The following TMEM135 variants were observed in gnomAD, a reference collection of about 807,000 sequenced individuals.
The protein encoded by TMEM135 is peroxisomal membrane protein 52.
Under a neutral mutation model 60.3 loss-of-function variants are expected in TMEM135, and 30 were observed. The observed-to-expected ratio is 0.50, with a 90% CI of 0.37 to 0.68. The LOEUF is 0.68. TMEM135 is among the 30% of genes least tolerant of loss of function. The pLI is 0.00. For missense variants in TMEM135, 468 were observed against 548.8 expected, an observed-to-expected ratio of 0.85 and a Z score of 1.47; for synonymous variants, 190 against 186.7, an observed-to-expected ratio of 1.02 and a Z score of -0.14.
At chr11:87,043,519 A>G (rs930372462) in intron 1 of TMEM135, among the ~76,000 whole-genome samples, 1 of 151,750 alleles carries the variant, frequency 6.6e-6, no homozygotes, top group African/African-American at 2.4e-5. Flanking sequence ...AGGTCAGGAA[A>G]TGGAGACCAT....
chr11:87,138,085 T>TGTC (rs1475117506), intron 4 of TMEM135, among the ~76,000 whole-genome samples: 8 of 113,676 alleles, frequency 7.0e-5, no homozygotes, highest in African/African-American at 2.5e-4. Flanking sequence ...ACCAAGTTGA[T>TGTC]TTCTTTTTTT....
rs988016640 is a variant in TMEM135 at position 87,322,023 on chromosome 11, T to C, written c.*690T>C. On this transcript the variant is annotated 3_prime_UTR_variant, in exon 15 of 15. Transcript: ENST00000305494. Reference sequence around the variant, plus strand: ...TATTTGGCAGCCCAGTGAACCTATGTACTAATGGCAAGTTAGGGGCAAATG... The same window carrying C: ...TATTTGGCAGCCCAGTGAACCTATGCACTAATGGCAAGTTAGGGGCAAATG... The C allele has an allele frequency of 6.6e-6, 3 of 454,356 alleles. No homozygotes were observed. Among genetic ancestry groups the C allele is most frequent in the African/African-American group, 4.0e-5 (2 of 49,996 alleles). The allele number at this position is 454,356 out of a possible 1,614,324, so 28.1% of individuals were successfully genotyped here.
At position 87,146,187 on chromosome 11, in the gene TMEM135, C is replaced by T. The variant is rs962165858; in HGVS notation, c.397-11154C>T. Among the ~76,000 whole-genome samples the T allele has an allele frequency of 1.1e-4, 16 of 152,280 alleles. No homozygotes were observed. The South Asian group carries it at 1.9e-3, about 18-fold the overall frequency. On this transcript the variant is annotated intron_variant, in intron 4 of 14. Transcript: ENST00000305494. ...CAGCACTATTTATTGAAGACACTGTCCTTTTCCCATTGTGTATTTGTGGTA... is the reference window on the plus strand; with the variant it reads ...CAGCACTATTTATTGAAGACACTGTTCTTTTCCCATTGTGTATTTGTGGTA...
intron 4 of TMEM135, among the ~76,000 whole-genome samples, chr11:87,132,815 T>A (rs1338212807): frequency 8.6e-6 from 1 of 116,364 alleles, no homozygotes; most frequent in African/African-American, 3.0e-5. Context: ...CATACATACC[T>A]ATGGTATGTT....
intron 1 of TMEM135, among the ~76,000 whole-genome samples, chr11:87,041,189 T>A (rs547000730): frequency 1.1e-4 from 17 of 152,228 alleles, no homozygotes; most frequent in African/African-American, 3.6e-4. Flanking sequence ...CAGCTTATTA[T>A]CCCCATTTTA....
At chr11:87,129,164 G>A (rs1937826631) in intron 4 of TMEM135, among the ~76,000 whole-genome samples, 1 of 148,388 alleles carries the variant, frequency 6.7e-6, no homozygotes, top group African/African-American at 2.5e-5. Flanking sequence ...AGCAAGGTTG[G>A]TATTATTAGC....
Position 87,324,766 on chromosome 11 carries a change from A to G in TMEM135, c.*3433A>G, listed in dbSNP as rs1313335468. 2.2e-6 allele frequency: 1 copy of G among 453,930 alleles called. No homozygotes were observed. Among genetic ancestry groups the G allele is most frequent in the Admixed American group, 2.4e-5 (1 of 42,552 alleles). 28.1% of individuals were successfully genotyped at this position (453,930 alleles called of 1,614,324 possible). A position where few individuals can be genotyped will look rare whatever the true frequency, so the allele number is the denominator to read the frequency against. On this transcript the variant is annotated 3_prime_UTR_variant, in exon 15 of 15. Transcript: ENST00000305494. ...TTGTATGAGTATTAAGTAGTTTGAC[A>G]CAGCAACAAAGTTGTCCTTTGTTTC... is the stretch of plus-strand genomic sequence containing the variant.
intron 12 of TMEM135, 151 bp from the exon 13 acceptor site, chr11:87,317,986 C>T: frequency 1.5e-6 from 1 of 665,456 alleles, no homozygotes; most frequent in Non-Finnish European, 2.7e-6. Flanking sequence ...AGGGCTGACC[C>T]TTAACATCAT....
chr11:87,113,603 G>A, intron 4 of TMEM135, among the ~76,000 whole-genome samples: 1 of 152,086 alleles, frequency 6.6e-6, no homozygotes, highest in East Asian at 1.9e-4. Context: ...AAGCATGGAA[G>A]AGTGGAAAGA....
At chr11:87,057,561 TCTTGC>T in intron 1 of TMEM135, among the ~76,000 whole-genome samples, 2 of 152,318 alleles carry the variant, frequency 1.3e-5, no homozygotes, top group South Asian at 4.1e-4. Context: ...TAGAAGAGAA[TCTTGC>T]CTTAACTTCG....
At chr11:87,244,818 T>C (rs1353516829) in intron 6 of TMEM135, among the ~76,000 whole-genome samples, 1 of 19,024 alleles carries the variant, frequency 5.3e-5, no homozygotes, top group Non-Finnish European at 1.7e-4. Context: ...GATTCATTAA[T>C]TTTTTGAAGG....
At chr11:87,108,671 G>A (rs2445551) in intron 4 of TMEM135, among the ~76,000 whole-genome samples, 61,837 of 151,792 alleles carry the variant, frequency 0.41, 13,743 homozygotes, top group East Asian at 0.65. Flanking sequence ...TGACCTAGGC[G>A]TTTAGTGCTA....
chr11:87,217,799 A>G (rs1940534977), intron 5 of TMEM135, among the ~76,000 whole-genome samples: 1 of 151,490 alleles, frequency 6.6e-6, no homozygotes, highest in African/African-American at 2.4e-5. Flanking sequence ...AAAAAAAAAG[A>G]AGGTTGGGGT....
At chr11:87,202,804 G>T (rs1223517657) in intron 5 of TMEM135, among the ~76,000 whole-genome samples, 1 of 150,472 alleles carries the variant, frequency 6.6e-6, no homozygotes, top group African/African-American at 2.4e-5. Flanking sequence ...AGGCCGAGGC[G>T]GGCGGATCAT....
chr11:87,268,159 C>T (rs371084631), intron 6 of TMEM135, among the ~76,000 whole-genome samples: 2 of 76,756 alleles, frequency 2.6e-5, no homozygotes, highest in African/African-American at 4.0e-5. Context: ...CCTTTATTTC[C>T]TTTCCTTTCC....
At chr11:87,071,157 G>A (rs1452638593) in intron 2 of TMEM135, among the ~76,000 whole-genome samples, 2 of 152,200 alleles carry the variant, frequency 1.3e-5, no homozygotes, top group East Asian at 3.8e-4. Context: ...CTTAATGAGA[G>A]TTAGTGAGAG....
chr11:87,167,550 C>A (rs933632923), intron 5 of TMEM135, among the ~76,000 whole-genome samples: 18 of 152,158 alleles, frequency 1.2e-4, no homozygotes, highest in Non-Finnish European at 1.2e-4. Flanking sequence ...GCCTTTTCTG[C>A]ATCTATTGGG....
chr11:87,085,251 T>A (rs1214760592), intron 3 of TMEM135, among the ~76,000 whole-genome samples: 2 of 152,092 alleles, frequency 1.3e-5, no homozygotes, highest in Non-Finnish European at 2.9e-5. Context: ...GAGATAATAT[T>A]CTCTCCGGGT....
intron 5 of TMEM135, among the ~76,000 whole-genome samples, chr11:87,187,259 C>T (rs567752529): frequency 6.6e-6 from 1 of 152,238 alleles, no homozygotes; most frequent in South Asian, 2.1e-4. Context: ...CACAGAAAGT[C>T]TCCAAGGTAA....
Sources: allele counts gnomAD v4.1 joint callset (sites outside exome capture counted in the v4.1 genomes callset), GRCh38; gene constraint gnomAD v4.1.1; transcripts MANE v1.5; gene names NCBI Gene and HGNC (gene_info 2026-07-23, HGNC 2026-07-21).